Variants in FGF13 observed in about 807,000 individuals in gnomAD.
FGF13 encodes the protein fibroblast growth factor homologous factor 2.
A neutral mutation model predicts 19.5 loss-of-function variants in FGF13; 2 were observed. The observed-to-expected ratio is 0.10, with a 90% CI of 0.04 to 0.32. The LOEUF is 0.32. Among genes scored for constraint, FGF13 ranks in the 10% least tolerant of loss-of-function variants. The probability of loss-of-function intolerance (pLI) is 1.00; values close to 1 mark genes in which losing one functional copy is unlikely to be tolerated. For synonymous variants in FGF13, 72 were observed against 76.9 expected, an observed-to-expected ratio of 0.94 and a Z score of 0.33; for missense variants, 113 against 192.7, an observed-to-expected ratio of 0.59 and a Z score of 2.45.
intron 3 of FGF13, among the ~76,000 whole-genome samples, chrX:138,695,564 T>C (rs752740803): frequency 9.0e-6 from 1 of 111,690 alleles, no homozygotes; most frequent in East Asian, 2.8e-4. Context: ...TACTCTCAAA[T>C]GGCTCAGAAA....
chrX:139,185,049 T>C (rs2148273317), intron 1 of FGF13, among the ~76,000 whole-genome samples: 1 of 112,130 alleles, frequency 8.9e-6, no homozygotes, highest in Admixed American at 9.5e-5. Flanking sequence ...GTATTAAGTT[T>C]GTTTTGCACT....
intron 1 of FGF13, among the ~76,000 whole-genome samples, chrX:138,869,232 T>C (rs1047162310): frequency 1.8e-5 from 2 of 112,206 alleles, no homozygotes; most frequent in Non-Finnish European, 3.8e-5. Context: ...TTCACTCAAG[T>C]ACATTAACAA....
At chrX:138,908,912 C>T (rs1387337634) in intron 1 of FGF13, among the ~76,000 whole-genome samples, 1 of 112,039 alleles carries the variant, frequency 8.9e-6, no homozygotes, top group African/African-American at 3.2e-5. Flanking sequence ...CTTAGAGTGT[C>T]CATCAGACAT....
chrX:139,190,287 C>T (rs761344520), intron 1 of FGF13, among the ~76,000 whole-genome samples: 6 of 111,708 alleles, frequency 5.4e-5, no homozygotes, highest in Admixed American at 9.5e-5. Flanking sequence ...ATCACAAATA[C>T]GGCCAATTAT....
At chrX:138,878,434 G>C (rs2091404214) in intron 1 of FGF13, among the ~76,000 whole-genome samples, 1 of 106,886 alleles carries the variant, frequency 9.4e-6, no homozygotes, top group Admixed American at 1.0e-4. Flanking sequence ...AGTTTGCTGA[G>C]AATGATGGTT....
At chrX:138,871,148 T>C (rs2091355296) in intron 1 of FGF13, among the ~76,000 whole-genome samples, 1 of 112,506 alleles carries the variant, frequency 8.9e-6, no homozygotes, top group South Asian at 3.7e-4. Flanking sequence ...AAAGTCCACA[T>C]GCCTTCTATA....
chrX:139,111,010 C>A (rs4829644), intron 1 of FGF13, among the ~76,000 whole-genome samples: 17,381 of 111,221 alleles, frequency 0.16, 1,399 homozygotes, highest in Middle Eastern at 0.31. Context: ...CTAAAGCCCC[C>A]ACTTCCACCC....
At chrX:139,095,630 C>T (rs2083465810) in intron 1 of FGF13, among the ~76,000 whole-genome samples, 1 of 111,990 alleles carries the variant, frequency 8.9e-6, no homozygotes, top group African/African-American at 3.2e-5. Context: ...ATCTTTAAAA[C>T]TGGAGATGAT....
chrX:138,688,184 C>T (rs907065813), intron 3 of FGF13, among the ~76,000 whole-genome samples: 1 of 108,548 alleles, frequency 9.2e-6, no homozygotes, highest in Non-Finnish European at 1.9e-5. Flanking sequence ...AGGATGGTCT[C>T]GATCTCCTGA....
chrX:139,135,863 G>A (rs183944032), intron 1 of FGF13, among the ~76,000 whole-genome samples: 3 of 111,426 alleles, frequency 2.7e-5, no homozygotes, highest in East Asian at 5.7e-4. Flanking sequence ...GTCTCTGTAC[G>A]TCTTCATCAG....
At chrX:138,908,523 G>A (rs763385145) in intron 1 of FGF13, among the ~76,000 whole-genome samples, 1 of 110,145 alleles carries the variant, frequency 9.1e-6, no homozygotes, top group Non-Finnish European at 1.9e-5. Context: ...CCTTTTGAGG[G>A]TCCTTAGTTT....
At chrX:138,920,729 G>A (rs1415121417) in intron 1 of FGF13, among the ~76,000 whole-genome samples, 1 of 111,402 alleles carries the variant, frequency 9.0e-6, no homozygotes, top group Non-Finnish European at 1.9e-5. Flanking sequence ...AGAAAGGACT[G>A]GACGAGCGAG....
chrX:138,891,814 C>T (rs916120865), intron 1 of FGF13, among the ~76,000 whole-genome samples: 1 of 110,250 alleles, frequency 9.1e-6, no homozygotes, highest in African/African-American at 3.3e-5. Context: ...GAGAGACAGG[C>T]CTAGCTTCCC....
intron 3 of FGF13, among the ~76,000 whole-genome samples, chrX:138,818,408 T>C (rs34079655): frequency 0.012 from 1,275 of 108,479 alleles, 3 homozygotes; most frequent in Non-Finnish European, 0.02. Flanking sequence ...CCCAAATCTA[T>C]CTCCTTCAAT....
chrX:139,203,711 C>A (rs1339473694), upstream of FGF13, among the ~76,000 whole-genome samples: 2 of 112,091 alleles, frequency 1.8e-5, no homozygotes, highest in Admixed American at 9.3e-5. Context: ...CACACACATG[C>A]ACTCATACAG....
intron 3 of FGF13, among the ~76,000 whole-genome samples, chrX:138,688,154 G>A (rs1436979152): frequency 2.8e-5 from 3 of 108,270 alleles, no homozygotes; most frequent in Non-Finnish European, 5.7e-5. Context: ...TAGTAGAGAC[G>A]GGATTTCACC....
chrX:139,084,420 C>T (rs958581761), intron 1 of FGF13, among the ~76,000 whole-genome samples: 18 of 111,720 alleles, frequency 1.6e-4, no homozygotes, highest in African/African-American at 5.2e-4. Context: ...GGTTTCCCCA[C>T]TAGTCAATTT....
rs554638677 is a variant in FGF13 at position 138,988,266 on chromosome X, C to G, written c.-112-123616G>C. Among the ~76,000 whole-genome samples, 15 of 112,440 alleles carry G rather than the reference C, an allele frequency of 1.3e-4. No individual in the cohort carries two copies. In the South Asian group the frequency reaches 5.1e-3, roughly 38 times the overall value. On this transcript the variant is annotated intron_variant, in intron 1 of 2. Coordinates refer to the FGF13 transcript ENST00000421460. ...CCATATGCTAACATCTCTCTCTAAT[C>G]ACCTTATTTTCTGTAGCAAATGCAT...
intron 3 of FGF13, among the ~76,000 whole-genome samples, chrX:138,824,314 A>C (rs1025101329): frequency 3.6e-5 from 4 of 111,737 alleles, no homozygotes; most frequent in Non-Finnish European, 7.5e-5. Context: ...GATGGGGCAA[A>C]GGCTTGAGCC....
Sources: gnomAD v4.1 joint callset for allele counts (sites outside exome capture counted in the v4.1 genomes callset) on GRCh38, gnomAD v4.1.1 for gene constraint, MANE v1.5 for transcripts, NCBI Gene and HGNC (gene_info 2026-07-23, HGNC 2026-07-21) for gene names.